The following TBC1D1 variants were observed in gnomAD, a reference collection of about 807,000 sequenced individuals.
TBC1D1 encodes the protein TBC1 (tre-2/USP6, BUB2, cdc16) domain family, member 1.
A neutral mutation model predicts 125.6 loss-of-function variants in TBC1D1; 89 were observed. The observed-to-expected ratio is 0.71, with a 90% CI of 0.60 to 0.85. The LOEUF (loss-of-function observed/expected upper bound fraction) is 0.85, where lower values mean the gene tolerates loss of function less well. Among genes scored for constraint, TBC1D1 ranks in the 40% least tolerant of loss-of-function variants. TBC1D1 has a pLI of 0.00. For missense variants in TBC1D1, 1,377 were observed against 1,469.2 expected, an observed-to-expected ratio of 0.94 and a Z score of 1.03; for synonymous variants, 565 against 564.1, an observed-to-expected ratio of 1.00 and a Z score of -0.02.
chr4:38,008,842 C>G (rs1740890053), intron 2 of TBC1D1, among the ~76,000 whole-genome samples: 1 of 152,194 alleles, frequency 6.6e-6, no homozygotes, highest in Non-Finnish European at 1.5e-5. Context: ...GCACCTGTCA[C>G]CTTATATTGG....
chr4:38,113,523 GT>G (rs1208551539), intron 15 of TBC1D1, among the ~76,000 whole-genome samples: 1 of 152,218 alleles, frequency 6.6e-6, no homozygotes, highest in African/African-American at 2.4e-5. Flanking sequence ...CCTTCCCTGT[GT>G]TCCTTTATGC....
At chr4:37,933,773 TG>T (rs1276835874) in intron 2 of TBC1D1, among the ~76,000 whole-genome samples, 2 of 147,674 alleles carry the variant, frequency 1.4e-5, no homozygotes, top group Non-Finnish European at 2.9e-5. Flanking sequence ...GGAATCACCA[TG>T]GGTAGGCTGG....
rs1751089948 is a variant in TBC1D1, at chr4:38,053,361, T to C, written c.1911-838T>C. Reference sequence around the variant, plus strand: ...TAAATCTGTTGTATCTTCTTTCTTATACTTTTTTCTTACTGAATGCCATTT... The same window carrying C: ...TAAATCTGTTGTATCTTCTTTCTTACACTTTTTTCTTACTGAATGCCATTT... On this transcript the variant is annotated intron_variant, in intron 11 of 19. Coordinates refer to ENST00000261439, the MANE Select transcript of TBC1D1 (RefSeq NM_015173.4). 5.0e-6 allele frequency: 4 copies of C among 793,772 alleles called. No homozygotes were observed. In the South Asian group the frequency reaches 1.6e-4, roughly 32 times the overall value. The allele number at this position is 793,772 out of a possible 1,614,324, so 49.2% of individuals were successfully genotyped here.
At chr4:38,005,780 G>A (rs1740030640) in intron 2 of TBC1D1, among the ~76,000 whole-genome samples, 4 of 152,206 alleles carry the variant, frequency 2.6e-5, no homozygotes, top group Admixed American at 2.0e-4. Context: ...CAGAGAGCCA[G>A]CAAGGCCATG....
chr4:38,064,712 C>A (rs1376553681), intron 12 of TBC1D1, among the ~76,000 whole-genome samples: 1 of 151,994 alleles, frequency 6.6e-6, no homozygotes, highest in Non-Finnish European at 1.5e-5. Context: ...CCACCTCCAC[C>A]TCCCAGGTTC....
At chr4:37,922,832 A>C (rs1326206629) in intron 2 of TBC1D1, among the ~76,000 whole-genome samples, 1 of 152,138 alleles carries the variant, frequency 6.6e-6, no homozygotes, top group Non-Finnish European at 1.5e-5. Flanking sequence ...TGTGATCCAA[A>C]CCAGGCAAAT....
chr4:37,980,054 C>G (rs941686253), intron 2 of TBC1D1, among the ~76,000 whole-genome samples: 1 of 152,214 alleles, frequency 6.6e-6, no homozygotes, highest in Admixed American at 6.5e-5. Flanking sequence ...GCTGGGATTA[C>G]AGGTGTGAGC....
chr4:38,045,555 C>T (rs377395274), intron 9 of TBC1D1, among the ~76,000 whole-genome samples: 3 of 152,052 alleles, frequency 2.0e-5, no homozygotes, highest in Admixed American at 1.3e-4. Flanking sequence ...TCCTTATAGA[C>T]GAATTGTCTT....
intron 1 of TBC1D1, among the ~76,000 whole-genome samples, chr4:37,896,603 T>C (rs1460318039): frequency 1.3e-5 from 2 of 152,122 alleles, no homozygotes; most frequent in Non-Finnish European, 1.5e-5. Flanking sequence ...ACAAACAATA[T>C]TTGGAGAAGC....
At chr4:38,081,924 A>C (rs17607449) in intron 12 of TBC1D1, among the ~76,000 whole-genome samples, 26,802 of 152,142 alleles carry the variant, frequency 0.18, 2,664 homozygotes, top group East Asian at 0.45. Context: ...CTAGTCCTGG[A>C]TTCACCACCT....
chr4:37,961,738 G>T lies in TBC1D1; in HGVS notation c.418-52771G>T, dbSNP rs551760924. 1.2e-4 allele frequency among the ~76,000 whole-genome samples: 19 copies of T among 152,298 alleles called. No homozygotes were observed. In the South Asian group the frequency reaches 3.9e-3, roughly 32 times the overall value. ...TCTACTGAAAGTGAGTGGTGGTTAT[G>T]TCTCTGAACATGTTATTCCACAAAA... On this transcript the variant is annotated intron_variant, in intron 2 of 19. Coordinates refer to ENST00000261439, the MANE Select transcript of TBC1D1 (RefSeq NM_015173.4).
chr4:38,003,139 G>C (rs1739395524), intron 2 of TBC1D1, among the ~76,000 whole-genome samples: 1 of 152,166 alleles, frequency 6.6e-6, no homozygotes, highest in East Asian at 1.9e-4. Context: ...CGATTTGGTA[G>C]AATGGAGTCT....
intron 3 of TBC1D1, among the ~76,000 whole-genome samples, chr4:38,017,363 A>T (rs1263208596): frequency 6.6e-6 from 1 of 152,216 alleles, no homozygotes; most frequent in Non-Finnish European, 1.5e-5. Context: ...TTAAAAATGA[A>T]TTAGTTTTTC....
At chr4:38,109,185 G>C (rs1470409804) in intron 15 of TBC1D1, among the ~76,000 whole-genome samples, 1 of 152,178 alleles carries the variant, frequency 6.6e-6, no homozygotes, top group African/African-American at 2.4e-5. Flanking sequence ...TGTCCAGTTG[G>C]GGACGTTGCT....
At chr4:38,030,658 A>G (rs1274419394) in intron 7 of TBC1D1, among the ~76,000 whole-genome samples, 1 of 152,244 alleles carries the variant, frequency 6.6e-6, no homozygotes, top group Non-Finnish European at 1.5e-5. Flanking sequence ...AAAAGGTTGT[A>G]AGGAAAAAGG....
intron 2 of TBC1D1, among the ~76,000 whole-genome samples, chr4:37,981,300 C>T (rs939470186): frequency 6.6e-6 from 1 of 152,122 alleles, no homozygotes; most frequent in Non-Finnish European, 1.5e-5. Context: ...TATGTAAAAC[C>T]AGGTTTTCCG....
intron 2 of TBC1D1, chr4:37,952,121 A>G (rs1040383991): frequency 1.4e-5 from 10 of 715,990 alleles, no homozygotes; most frequent in African/African-American, 1.4e-4. Context: ...GCTTGCTGCA[A>G]GGCCTGCAGT....
intron 18 of TBC1D1, among the ~76,000 whole-genome samples, chr4:38,131,669 G>A (rs1004505185): frequency 7.9e-5 from 12 of 152,156 alleles, no homozygotes; most frequent in Non-Finnish European, 8.8e-5. Context: ...TCATAGAGTC[G>A]CCAGTGGAGC....
intron 7 of TBC1D1, among the ~76,000 whole-genome samples, chr4:38,033,977 G>A (rs193078238): frequency 6.6e-6 from 1 of 152,334 alleles, no homozygotes; most frequent in East Asian, 1.9e-4. Flanking sequence ...TTTGATAATT[G>A]TGAATAAAGA....
Sources: allele counts gnomAD v4.1 joint callset (sites outside exome capture counted in the v4.1 genomes callset), GRCh38; gene constraint gnomAD v4.1.1; transcripts MANE v1.5; gene names NCBI Gene and HGNC (gene_info 2026-07-23, HGNC 2026-07-21).